Variants in SLC13A3 observed in about 807,000 individuals in gnomAD.
SLC13A3 encodes Na(+)/dicarboxylate cotransporter 3.
In SLC13A3, 40 loss-of-function variants were observed where a neutral mutation model predicts 59.0. The observed-to-expected ratio is 0.68, with a 90% CI of 0.53 to 0.88. The LOEUF (loss-of-function observed/expected upper bound fraction) is 0.88. Among genes scored for constraint, SLC13A3 ranks in the 40% least tolerant of loss-of-function variants. The pLI is 0.00. For synonymous variants in SLC13A3, 317 were observed against 330.3 expected, an observed-to-expected ratio of 0.96 and a Z score of 0.44; for missense variants, 699 against 783.2, an observed-to-expected ratio of 0.89 and a Z score of 1.28.
intron 12 of SLC13A3, among the ~76,000 whole-genome samples, chr20:46,562,216 G>T (rs1490077627): frequency 1.3e-5 from 2 of 152,078 alleles, no homozygotes; most frequent in Non-Finnish European, 2.9e-5. Context: ...GCTTACCGAG[G>T]GTCCCCACTG....
chr20:46,674,211 G>T (rs1264829620), upstream of SLC13A3, among the ~76,000 whole-genome samples: 2 of 152,080 alleles, frequency 1.3e-5, no homozygotes, highest in African/African-American at 2.4e-5. Context: ...GTGACATTTT[G>T]TTTGAGGTCT....
rs11469544 is a variant in SLC13A3 at position 46,622,621 on chromosome 20, C to CGTGT, written c.112-8900_112-8897dup. On this transcript the variant is annotated intron_variant, in intron 1 of 12. Transcript: ENST00000279027. ...AACAGGAATTGGTGTGTGGTGTGTG[C>CGTGT]GTGTGTGTGTGTGTGTGTGTGTGTG... is the stretch of plus-strand genomic sequence containing the variant. 8.3e-4 allele frequency among the ~76,000 whole-genome samples: 111 copies of CGTGT among 134,162 alleles called. 1 individual carries two copies. The highest frequency in any genetic ancestry group is 1.6e-3 in the East Asian group (6 of 3,672). 88.0% of individuals were successfully genotyped at this position (134,162 alleles called of 152,430 possible).
chr20:46,563,626 G>GAGAA, intron 11 of SLC13A3, 75 bp from the exon 12 acceptor site: 2 of 1,490,308 alleles, frequency 1.3e-6, no homozygotes, highest in African/African-American at 1.4e-5. Flanking sequence ...GAGAGAGAGA[G>GAGAA]AGAGAGGCAG....
Position 46,613,643 on chromosome 20 carries a change from A to C in SLC13A3, c.194T>G (p.Leu65Arg), listed in dbSNP as rs1027642189. The C allele has an allele frequency of 1.9e-6, 3 of 1,612,162 alleles. No homozygotes were observed. In the Admixed American group the frequency reaches 5.0e-5, roughly 27 times the overall value. The change falls in exon 2 of 13, where the codon CTG becomes CGG. Residue 65 changes from leucine to arginine, a missense_variant. Coordinates refer to ENST00000279027, the MANE Select transcript of SLC13A3 (RefSeq NM_022829.6). ...EALPLSVTALLPIVLFPFMGI... is the reference protein window; with the variant it reads ...EALPLSVTALRPIVLFPFMGI... The stretch of plus-strand genomic sequence containing the variant: ...CATGAAGGGGAAGAGGACGATGGGC[A>C]GCAGCGCCGTCACTGAGAGCGGCAG...
chr20:46,583,287 T>C (rs950235988), intron 9 of SLC13A3: 1 of 801,740 alleles, frequency 1.2e-6, no homozygotes, highest in Non-Finnish European at 1.6e-6. Context: ...CTTTTGGTTT[T>C]TTTTTCAACC....
upstream of SLC13A3, among the ~76,000 whole-genome samples, chr20:46,652,547 A>ATTTTT (rs11471373): frequency 3.7e-3 from 431 of 117,768 alleles, 1 homozygote; most frequent in African/African-American, 0.012. Context: ...TATCTGGCTA[A>ATTTTT]TTTTTTTTTT....
intron 1 of SLC13A3, among the ~76,000 whole-genome samples, chr20:46,617,436 C>A (rs2062567741): frequency 1.3e-5 from 2 of 151,610 alleles, no homozygotes; most frequent in South Asian, 4.2e-4. Flanking sequence ...CCAGCCTGGG[C>A]AACACAGTGA....
rs1477963972 is a variant in SLC13A3 at position 46,559,127 on chromosome 20, T to C, written c.*895A>G. On this transcript the variant is annotated 3_prime_UTR_variant, in exon 13 of 13. Transcript: ENST00000279027. The stretch of plus-strand genomic sequence containing the variant: ...CATGCTTACCACTTAAGGTGGGGCA[T>C]GGAGAGATCAAGGCCACCTGCTGGG... 10 of 152,140 alleles carry C rather than the reference T, an allele frequency of 6.6e-5. No homozygotes were observed. Among genetic ancestry groups the C allele is most frequent in the Admixed American group, 6.5e-4 (10 of 15,284 alleles). The allele number at this position is 152,140 out of a possible 1,614,324, so 9.4% of individuals were successfully genotyped here.
chr20:46,573,524 C>T (rs778459359), intron 10 of SLC13A3, among the ~76,000 whole-genome samples: 66 of 152,190 alleles, frequency 4.3e-4, no homozygotes, highest in Middle Eastern at 3.2e-3. Context: ...CCCGTGCTTC[C>T]GAATCTCCAT....
chr20:46,683,712 T>C (rs904968352), intron 1 of SLC13A3, among the ~76,000 whole-genome samples: 1 of 152,212 alleles, frequency 6.6e-6, no homozygotes, highest in Non-Finnish European at 1.5e-5. Flanking sequence ...TGTGGGTCCC[T>C]GTCCTTGATC....
chr20:46,611,429 C>T (rs531327511), intron 2 of SLC13A3, among the ~76,000 whole-genome samples: 3 of 152,250 alleles, frequency 2.0e-5, no homozygotes, highest in Admixed American at 6.5e-5. Context: ...ATGATGTGCC[C>T]CTTGGAGATC....
At chr20:46,661,821 G>C (rs961098920) in intron 1 of SLC13A3, among the ~76,000 whole-genome samples, 4 of 152,118 alleles carry the variant, frequency 2.6e-5, no homozygotes, top group African/African-American at 9.7e-5. Flanking sequence ...CAGGTTTTCT[G>C]TCTGTTCTCC....
chr20:46,623,298 A>C (rs767516531), intron 1 of SLC13A3, among the ~76,000 whole-genome samples: 103 of 152,224 alleles, frequency 6.8e-4, no homozygotes, highest in Non-Finnish European at 1.3e-3. Context: ...CAGTATAATG[A>C]CAATCACAAT....
chr20:46,669,481 C>T (rs991046796), intron 1 of SLC13A3, among the ~76,000 whole-genome samples: 1 of 152,154 alleles, frequency 6.6e-6, no homozygotes, highest in Non-Finnish European at 1.5e-5. Flanking sequence ...GAGACTAAAA[C>T]TCAGAGATGT....
At chr20:46,585,968 G>A (rs1300797447) in intron 8 of SLC13A3, among the ~76,000 whole-genome samples, 2 of 151,972 alleles carry the variant, frequency 1.3e-5, no homozygotes, top group African/African-American at 4.8e-5. Context: ...GTGGGCTAGT[G>A]GGCACTTGAA....
At chr20:46,609,251 G>A (rs554288526) in intron 3 of SLC13A3, among the ~76,000 whole-genome samples, 7 of 152,262 alleles carry the variant, frequency 4.6e-5, no homozygotes, top group South Asian at 4.2e-4. Flanking sequence ...AAATCATGAC[G>A]TCATTGTGCC....
upstream of SLC13A3, among the ~76,000 whole-genome samples, chr20:46,674,449 CAG>C (rs551049233): frequency 2.6e-5 from 4 of 152,158 alleles, no homozygotes; most frequent in African/African-American, 9.7e-5. Flanking sequence ...CCATCCCAGG[CAG>C]AGAGTCAAGG....
At chr20:46,632,910 T>TAGACAGACGG (rs1314009715) in intron 1 of SLC13A3, among the ~76,000 whole-genome samples, 1 of 73,562 alleles carries the variant, frequency 1.4e-5, no homozygotes, top group African/African-American at 5.1e-5. Context: ...GATAGATAGA[T>TAGACAGACGG]ATATCTATCT....
At chr20:46,650,470 G>A (rs74990823) in intron 1 of SLC13A3, among the ~76,000 whole-genome samples, 2,700 of 152,292 alleles carry the variant, frequency 0.018, 75 homozygotes, top group African/African-American at 0.06. Flanking sequence ...AAGCACTCAT[G>A]AATCTTACCG....
Sources: allele counts gnomAD v4.1 joint callset (sites outside exome capture counted in the v4.1 genomes callset), GRCh38; gene constraint gnomAD v4.1.1; transcripts MANE v1.5; gene names NCBI Gene and HGNC (gene_info 2026-07-23, HGNC 2026-07-21).